Variants in GLI3 observed in about 807,000 individuals in gnomAD.
GLI3 encodes GLI family zinc finger 3, also known as transcription activator GLI3.
GLI3 carries 20 observed loss-of-function variants against 100.8 expected under a neutral mutation model. That is an observed-to-expected ratio of 0.20 (90% CI 0.14 to 0.29). The LOEUF (loss-of-function observed/expected upper bound fraction) is 0.29, where lower values mean the gene tolerates loss of function less well. Ranked by LOEUF, GLI3 falls within the 10% of genes least tolerant of loss-of-function variation. GLI3 has a pLI of 1.00. For synonymous variants in GLI3, 938 were observed against 860.5 expected, an observed-to-expected ratio of 1.09 and a Z score of -1.58; for missense variants, 2,040 against 2,128.5, an observed-to-expected ratio of 0.96 and a Z score of 0.82.
Position 41,964,190 on chromosome 7 carries a change from T to C in GLI3, c.*140A>G, listed in dbSNP as rs1787090714. 1.5e-6 allele frequency: 1 copy of C among 672,572 alleles called. No individual in the cohort carries two copies. The highest frequency in any genetic ancestry group is 2.6e-6 in the Non-Finnish European group (1 of 389,724). 41.7% of individuals were successfully genotyped at this position (672,572 alleles called of 1,614,324 possible). ...TCAGAGTCCTTTTCCATAAAAGGAA[T>C]ATAATTGAAACACATCTCAGTTAGG... On this transcript the variant is annotated 3_prime_UTR_variant, in exon 15 of 15. Coordinates refer to ENST00000395925, the MANE Select transcript of GLI3 (RefSeq NM_000168.6).
In GLI3 at chr7:42,020,938, T is replaced by C. The variant is rs142034787; in HGVS notation, c.1497+2530A>G. 8.0e-3 allele frequency among the ~76,000 whole-genome samples: 1,205 copies of C among 150,172 alleles called. 23 individuals carry two copies. Among genetic ancestry groups the C allele is most frequent in the African/African-American group, 0.027 (1,110 of 40,748 alleles). On this transcript the variant is annotated intron_variant, in intron 10 of 14. Transcript: ENST00000395925. ...AAAAAAAAGTAGTTTTTGCAACTGG[T>C]ATTTATTCTACCACCAAAGTAATTA...
chr7:42,077,665 A>G (rs1784909728), intron 3 of GLI3, among the ~76,000 whole-genome samples: 1 of 151,936 alleles, frequency 6.6e-6, no homozygotes, highest in Non-Finnish European at 1.5e-5. Context: ...CTTCCTTAAA[A>G]ATAGCTCTCC....
At chr7:42,039,929 T>G in intron 7 of GLI3, 109 bp downstream of exon 7, 7 of 861,084 alleles carry the variant, frequency 8.1e-6, no homozygotes, top group Non-Finnish European at 1.4e-5. Context: ...CATCATGCAC[T>G]TTTATTCTTC....
At chr7:42,141,781 G>A (rs2128782794) in intron 3 of GLI3, among the ~76,000 whole-genome samples, 1 of 152,314 alleles carries the variant, frequency 6.6e-6, no homozygotes, top group Non-Finnish European at 1.5e-5. Context: ...TTGGATCAGA[G>A]GTTGTGTACA....
chr7:42,205,439 C>A (rs1788130447), intron 2 of GLI3, among the ~76,000 whole-genome samples: 1 of 152,186 alleles, frequency 6.6e-6, no homozygotes, highest in Non-Finnish European at 1.5e-5. Context: ...CAACCCACTC[C>A]TAATCCTTGT....
At chr7:42,227,045 T>A (rs1385629893) in intron 1 of GLI3, among the ~76,000 whole-genome samples, 1 of 152,218 alleles carries the variant, frequency 6.6e-6, no homozygotes, top group Non-Finnish European at 1.5e-5. Context: ...TAATGAAGTA[T>A]AATTTATTTA....
At position 41,963,742 on chromosome 7, in the gene GLI3, A is replaced by G. The variant is rs1787071115; in HGVS notation, c.*588T>C. On this transcript the variant is annotated 3_prime_UTR_variant, in exon 15 of 15. Transcript: ENST00000395925. ...CTGAACTGAATTGGAGATGGGGGGAACATCAATATTCTGTCATCTATGCTA... is the reference window on the plus strand; with the variant it reads ...CTGAACTGAATTGGAGATGGGGGGAGCATCAATATTCTGTCATCTATGCTA... 1 of 153,406 alleles carries G rather than the reference A, an allele frequency of 6.5e-6. No homozygotes were observed. Among genetic ancestry groups the G allele is most frequent in the Non-Finnish European group, 1.5e-5 (1 of 68,914 alleles). The allele number at this position is 153,406 out of a possible 1,614,324, so 9.5% of individuals were successfully genotyped here. A position where few individuals can be genotyped will look rare whatever the true frequency, so the allele number is the denominator to read the frequency against.
At chr7:42,205,448 G>C (rs1001902460) in intron 2 of GLI3, among the ~76,000 whole-genome samples, 5 of 152,220 alleles carry the variant, frequency 3.3e-5, no homozygotes, top group African/African-American at 1.2e-4. Flanking sequence ...CCTAATCCTT[G>C]TCCTTGGCAC....
At chr7:42,011,998 T>C (rs1321785358) in intron 10 of GLI3, among the ~76,000 whole-genome samples, 4 of 152,146 alleles carry the variant, frequency 2.6e-5, no homozygotes, top group Non-Finnish European at 5.9e-5. Context: ...GGGGCCATCA[T>C]CTCTCCTCTC....
intron 3 of GLI3, among the ~76,000 whole-genome samples, chr7:42,081,794 G>T (rs1273892856): frequency 6.6e-6 from 1 of 152,112 alleles, no homozygotes; most frequent in East Asian, 1.9e-4. Flanking sequence ...AGAGATCAAA[G>T]TCTCTCAGTT....
intron 3 of GLI3, among the ~76,000 whole-genome samples, chr7:42,078,920 A>G (rs1430093428): frequency 3.3e-5 from 5 of 151,858 alleles, no homozygotes; most frequent in Non-Finnish European, 5.9e-5. Context: ...TAGTAGACAC[A>G]GGCTTTCACC....
rs570190243 is a variant in GLI3 at position 42,041,344 on chromosome 7, C to T, written c.827-1105G>A. ...TTCCTGAAGAGTTCAAAATTAAATGCCAATTTGCATTCAAATTTGGTAGAT... is the reference window on the plus strand; with the variant it reads ...TTCCTGAAGAGTTCAAAATTAAATGTCAATTTGCATTCAAATTTGGTAGAT... On this transcript the variant is annotated intron_variant, in intron 6 of 14. Coordinates refer to ENST00000395925, the MANE Select transcript of GLI3 (RefSeq NM_000168.6). 2.6e-5 allele frequency among the ~76,000 whole-genome samples: 4 copies of T among 152,260 alleles called. No homozygotes were observed. In the East Asian group the frequency reaches 7.7e-4, roughly 29 times the overall value.
rs1787280845 is a variant in GLI3 at position 41,968,747 on chromosome 7, A to AGAAAGAAAGAAG, written c.2104-825_2104-824insCTTCTTTCTTTC. ...AAGAAAGAAAGAAAGAAAGAAAGAAAGAAAGAAAGAAAGAAGGAAAGAAAG... is the reference window on the plus strand; with the variant it reads ...AAGAAAGAAAGAAAGAAAGAAAGAAAGAAAGAAAGAAGGAAAGAAAGAAAGAAGGAAAGAAAG... On this transcript the variant is annotated intron_variant, in intron 13 of 14. Transcript: ENST00000395925. Among the ~76,000 whole-genome samples the AGAAAGAAAGAAG allele has an allele frequency of 1.0e-3, 125 of 122,050 alleles. 1 individual carries two copies. Among genetic ancestry groups the AGAAAGAAAGAAG allele is most frequent in the African/African-American group, 2.1e-3 (57 of 27,178 alleles). 80.1% of individuals were successfully genotyped at this position (122,050 alleles called of 152,430 possible).
chr7:41,993,645 C>T (rs1254109788), intron 10 of GLI3, among the ~76,000 whole-genome samples: 17 of 152,162 alleles, frequency 1.1e-4, no homozygotes, highest in Admixed American at 1.1e-3. Context: ...CAATGCCCAG[C>T]CTATAGTAGG....
chr7:42,253,184 A>G (rs1789051158), intron 1 of GLI3, among the ~76,000 whole-genome samples: 1 of 152,230 alleles, frequency 6.6e-6, no homozygotes, highest in South Asian at 2.1e-4. Context: ...GTGAAGAAAG[A>G]GTTTCCTGCC....
intron 2 of GLI3, among the ~76,000 whole-genome samples, chr7:42,177,475 G>A (rs1425307257): frequency 6.6e-6 from 1 of 152,118 alleles, no homozygotes; most frequent in Non-Finnish European, 1.5e-5. Flanking sequence ...AAAATGAAGT[G>A]CAAAAAGGAA....
intron 2 of GLI3, among the ~76,000 whole-genome samples, chr7:42,185,586 C>T (rs1282901080): frequency 2.6e-5 from 4 of 152,192 alleles, no homozygotes. Flanking sequence ...GTACAAATAT[C>T]CAGATGCTTT....
intron 2 of GLI3, among the ~76,000 whole-genome samples, chr7:42,203,863 G>C (rs1788096455): frequency 6.6e-6 from 1 of 152,106 alleles, no homozygotes; most frequent in Non-Finnish European, 1.5e-5. Context: ...GCTGGATGTA[G>C]TGGTACAAGC....
At chr7:42,215,070 C>T (rs1404566137) in intron 2 of GLI3, among the ~76,000 whole-genome samples, 2 of 152,066 alleles carry the variant, frequency 1.3e-5, no homozygotes, top group Non-Finnish European at 2.9e-5. Context: ...ATGAACACAG[C>T]ATCAAGCAGC....
Sources: gnomAD v4.1 joint callset for allele counts (sites outside exome capture counted in the v4.1 genomes callset) on GRCh38, gnomAD v4.1.1 for gene constraint, MANE v1.5 for transcripts, NCBI Gene and HGNC (gene_info 2026-07-23, HGNC 2026-07-21) for gene names.